LSAMP: variants seen among roughly 807,000 people sequenced by gnomAD.
LSAMP encodes the protein limbic system associated membrane protein, also known as limbic system-associated membrane protein.
A neutral mutation model predicts 38.6 loss-of-function variants in LSAMP; 7 were observed. The observed-to-expected ratio is 0.18, with a 90% confidence interval of 0.10 to 0.34. The LOEUF is 0.34. LSAMP is among the 10% of genes least tolerant of loss of function. LSAMP has a pLI of 1.00. For synonymous variants in LSAMP, 154 were observed against 166.8 expected, an observed-to-expected ratio of 0.92 and a Z score of 0.59; for missense variants, 313 against 420.0, an observed-to-expected ratio of 0.75 and a Z score of 2.23.
intron 1 of LSAMP, among the ~76,000 whole-genome samples, chr3:116,202,494 G>C (rs572643219): frequency 1.3e-5 from 2 of 151,892 alleles, no homozygotes; most frequent in Non-Finnish European, 2.9e-5. Flanking sequence ...ACCCAGGCTG[G>C]TGTGCAGTGG....
chr3:116,198,695 C>G (rs756956917), intron 1 of LSAMP, among the ~76,000 whole-genome samples: 4 of 147,950 alleles, frequency 2.7e-5, no homozygotes, highest in Middle Eastern at 3.6e-3. Flanking sequence ...GACGTGAACT[C>G]GGGAGGCGCA....
At chr3:115,984,454 A>G (rs1939454181) in intron 3 of LSAMP, among the ~76,000 whole-genome samples, 1 of 152,212 alleles carries the variant, frequency 6.6e-6, no homozygotes, top group Non-Finnish European at 1.5e-5. Flanking sequence ...TAGTTGCTAA[A>G]CATTTACTGA....
intron 6 of LSAMP, among the ~76,000 whole-genome samples, chr3:115,831,578 G>T (rs925107217): frequency 6.6e-6 from 1 of 152,130 alleles, no homozygotes; most frequent in Non-Finnish European, 1.5e-5. Flanking sequence ...TGTTATCATT[G>T]CTCAGTACCC....
At chr3:116,047,965 TG>T in intron 2 of LSAMP, among the ~76,000 whole-genome samples, 1 of 152,360 alleles carries the variant, frequency 6.6e-6, no homozygotes, top group Non-Finnish European at 1.5e-5. Context: ...CACTTATTTT[TG>T]TTTGCATTTC....
intron 1 of LSAMP, among the ~76,000 whole-genome samples, chr3:116,273,372 G>T (rs1326202061): frequency 6.6e-6 from 1 of 151,720 alleles, no homozygotes; most frequent in Non-Finnish European, 1.5e-5. Context: ...AGAAAACTGA[G>T]AGAAGTAGAA....
intron 1 of LSAMP, among the ~76,000 whole-genome samples, chr3:116,130,007 T>G (rs1417805777): frequency 5.3e-5 from 8 of 152,212 alleles, no homozygotes; most frequent in Admixed American, 5.2e-4. Context: ...ATTCTTTTAT[T>G]GCAGAATCCA....
chr3:115,905,346 G>A (rs949968885), intron 3 of LSAMP, among the ~76,000 whole-genome samples: 10 of 151,936 alleles, frequency 6.6e-5, no homozygotes, highest in African/African-American at 1.5e-4. Flanking sequence ...ATGAGATACC[G>A]ATGATATTGG....
chr3:116,009,368 A>T (rs1490893015), intron 3 of LSAMP, among the ~76,000 whole-genome samples: 1 of 152,102 alleles, frequency 6.6e-6, no homozygotes, highest in African/African-American at 2.4e-5. Context: ...GATTCTTCAG[A>T]TCATTTCCTA....
chr3:116,106,457 G>A (rs1292356019), intron 1 of LSAMP, among the ~76,000 whole-genome samples: 2 of 152,160 alleles, frequency 1.3e-5, no homozygotes, highest in South Asian at 2.1e-4. Context: ...GCTCAAATGG[G>A]CTGTACCTTG....
In LSAMP at chr3:115,812,510, C is replaced by T. The variant is rs549194929; in HGVS notation, c.920-2096G>A. On this transcript the variant is annotated intron_variant, in intron 6 of 6. Transcript: ENST00000490035. ...CCCACCCTTTTTGGACTTTTGGGAC[C>T]TTCAAGCTCTCTTAGTGGCAACTTC... is the stretch of plus-strand genomic sequence containing the variant. 5.3e-5 allele frequency among the ~76,000 whole-genome samples: 8 copies of T among 152,234 alleles called. No homozygotes were observed. The East Asian group carries it at 1.2e-3, about 22-fold the overall frequency.
chr3:116,208,716 G>A (rs1335076285), intron 1 of LSAMP, among the ~76,000 whole-genome samples: 1 of 142,386 alleles, frequency 7.0e-6, no homozygotes, highest in Admixed American at 7.2e-5. Flanking sequence ...GCTGCTCGGG[G>A]GTCAGGGGTC....
Position 115,810,173 on chromosome 3 carries a change from C to A in LSAMP, c.*144G>T. The A allele has an allele frequency of 1.7e-6, 1 of 584,712 alleles. No homozygotes were observed. The highest frequency in any genetic ancestry group is 3.0e-6 in the Non-Finnish European group (1 of 330,912). 36.2% of individuals were successfully genotyped at this position (584,712 alleles called of 1,614,324 possible). Reference sequence around the variant, plus strand: ...ATTTTCTTCTTCACTTTCTTATTTCCCCCTTCATGTATAAACACACAAAGT... The same window carrying A: ...ATTTTCTTCTTCACTTTCTTATTTCACCCTTCATGTATAAACACACAAAGT... On this transcript the variant is annotated 3_prime_UTR_variant, in exon 7 of 7. Coordinates refer to ENST00000490035, the MANE Select transcript of LSAMP (RefSeq NM_002338.5).
chr3:116,374,354 A>G (rs1285256226), intron 1 of LSAMP, among the ~76,000 whole-genome samples: 3 of 151,928 alleles, frequency 2.0e-5, no homozygotes, highest in African/African-American at 7.2e-5. Flanking sequence ...TTCATGAAAC[A>G]CTTTGAGAAA....
intron 1 of LSAMP, among the ~76,000 whole-genome samples, chr3:116,203,141 A>G (rs772576231): frequency 2.0e-5 from 3 of 152,070 alleles, no homozygotes; most frequent in Non-Finnish European, 4.4e-5. Flanking sequence ...GTCTTGCTGC[A>G]CTGGCTATGA....
intron 1 of LSAMP, among the ~76,000 whole-genome samples, chr3:116,112,574 T>C (rs1246941874): frequency 6.6e-6 from 1 of 152,206 alleles, no homozygotes; most frequent in Non-Finnish European, 1.5e-5. Flanking sequence ...AATAGATGGC[T>C]CTTTTGGTCC....
intron 2 of LSAMP, among the ~76,000 whole-genome samples, chr3:116,057,825 T>G (rs1427130834): frequency 6.6e-6 from 1 of 152,118 alleles, no homozygotes; most frequent in African/African-American, 2.4e-5. Flanking sequence ...TCTACTTAAC[T>G]TATTTTTATA....
At chr3:115,817,488 G>A (rs1446911598) in intron 6 of LSAMP, among the ~76,000 whole-genome samples, 1 of 152,168 alleles carries the variant, frequency 6.6e-6, no homozygotes, top group Non-Finnish European at 1.5e-5. Context: ...AGGGTCGGAA[G>A]AGCTCAGGTA....
At chr3:115,829,466 G>A (rs1038313083) in intron 6 of LSAMP, among the ~76,000 whole-genome samples, 1 of 152,196 alleles carries the variant, frequency 6.6e-6, no homozygotes, top group African/African-American at 2.4e-5. Flanking sequence ...GTGCTGACAT[G>A]TCTGCCTAAA....
chr3:115,922,761 G>A (rs1213842253), intron 3 of LSAMP, among the ~76,000 whole-genome samples: 1 of 152,158 alleles, frequency 6.6e-6, no homozygotes, highest in Non-Finnish European at 1.5e-5. Context: ...TTTTGGGGAA[G>A]ATGCCACTTC....
Sources: allele counts gnomAD v4.1 joint callset (sites outside exome capture counted in the v4.1 genomes callset), GRCh38; gene constraint gnomAD v4.1.1; transcripts MANE v1.5; gene names NCBI Gene and HGNC (gene_info 2026-07-23, HGNC 2026-07-21).